ITIH5: variants seen among roughly 807,000 people sequenced by gnomAD.
ITIH5 encodes inter-alpha-trypsin inhibitor heavy chain 5.
ITIH5 carries 65 observed loss-of-function variants against 77.5 expected under a neutral mutation model. The ratio of observed to expected loss-of-function variants is 0.84; its 90% CI spans 0.69 to 1.03. ITIH5 has a LOEUF of 1.03. ITIH5 is among the 50% of genes least tolerant of loss of function. The probability of loss-of-function intolerance (pLI) is 0.00; values close to 1 mark genes in which losing one functional copy is unlikely to be tolerated. For synonymous variants in ITIH5, 525 were observed against 494.3 expected, an observed-to-expected ratio of 1.06 and a Z score of -0.82; for missense variants, 1,208 against 1,213.1, an observed-to-expected ratio of 1.00 and a Z score of 0.06.
chr10:7,615,926 T>G, intron 7 of ITIH5, 56 bp downstream of exon 7: 1 of 1,090,158 alleles, frequency 9.2e-7, no homozygotes, highest in Non-Finnish European at 1.4e-6. Flanking sequence ...GCAAAGCAAG[T>G]CATTGTCCCA....
At position 7,616,062 on chromosome 10, in the gene ITIH5, T is replaced by C. The variant is rs1309914617; in HGVS notation, c.859A>G (p.Lys287Glu). Reference sequence around the variant, plus strand: ...TTCTTGGGTAAAGGAGGAAGGTCTTTAGGAGCAAAGTAGTGCACAAAATAG... The same window carrying C: ...TTCTTGGGTAAAGGAGGAAGGTCTTCAGGAGCAAAGTAGTGCACAAAATAG... The part of the protein sequence containing the change: ...NGYFVHYFAP[K>E]DLPPLPKNVV... The change falls in exon 7 of 14, where the codon AAA becomes GAA. Residue 287 changes from lysine to glutamate, a missense_variant. Transcript: ENST00000397146. 5.0e-6 allele frequency: 8 copies of C among 1,612,990 alleles called. 1 individual carries two copies. Among genetic ancestry groups the C allele is most frequent in the Middle Eastern group, 3.3e-4 (2 of 6,082 alleles).
intron 10 of ITIH5, among the ~76,000 whole-genome samples, chr10:7,574,844 G>A (rs1385205097): frequency 6.8e-6 from 1 of 147,138 alleles, no homozygotes; most frequent in African/African-American, 2.5e-5. Flanking sequence ...GTAGTCAGTT[G>A]GTTATCTCCT....
intron 7 of ITIH5, among the ~76,000 whole-genome samples, chr10:7,587,554 G>A (rs771504290): frequency 2.0e-5 from 3 of 152,188 alleles, no homozygotes; most frequent in Non-Finnish European, 4.4e-5. Flanking sequence ...TCACTTACTC[G>A]CTCTCTGATA....
At chr10:7,605,652 G>A (rs1833109721) in intron 7 of ITIH5, among the ~76,000 whole-genome samples, 1 of 152,056 alleles carries the variant, frequency 6.6e-6, no homozygotes, top group Non-Finnish European at 1.5e-5. Flanking sequence ...CAAGAAGTGG[G>A]GGGCTGTGCT....
At chr10:7,585,401 A>C (rs1261135170) in intron 8 of ITIH5, among the ~76,000 whole-genome samples, 1 of 152,016 alleles carries the variant, frequency 6.6e-6, no homozygotes. Context: ...GAGAGCCCAC[A>C]TCCTCCCCAT....
intron 8 of ITIH5, among the ~76,000 whole-genome samples, chr10:7,580,705 C>A (rs1022204132): frequency 6.6e-6 from 1 of 152,136 alleles, no homozygotes; most frequent in African/African-American, 2.4e-5. Context: ...GGAGAAAGAG[C>A]CGCAGAGGGG....
At chr10:7,649,205 C>T (rs1194329530) in intron 2 of ITIH5, among the ~76,000 whole-genome samples, 1 of 146,960 alleles carries the variant, frequency 6.8e-6, no homozygotes, top group African/African-American at 2.6e-5. Flanking sequence ...TTTCATTCTC[C>T]TTCTTCTCCT....
intron 5 of ITIH5, among the ~76,000 whole-genome samples, chr10:7,625,634 G>A (rs11255252): frequency 0.14 from 20,756 of 151,738 alleles, 1,562 homozygotes; most frequent in East Asian, 0.24. Flanking sequence ...GCCTGGTGGC[G>A]TGAGCTTGTA....
At chr10:7,630,739 T>C (rs1222207069) in intron 5 of ITIH5, among the ~76,000 whole-genome samples, 1 of 152,202 alleles carries the variant, frequency 6.6e-6, no homozygotes, top group Non-Finnish European at 1.5e-5. Flanking sequence ...AATATATGAT[T>C]TGCAAATATT....
intron 3 of ITIH5, among the ~76,000 whole-genome samples, chr10:7,641,539 A>AAGGAAAGAAAGAAAG (rs1414589295): frequency 6.6e-6 from 1 of 151,340 alleles, no homozygotes; most frequent in African/African-American, 2.4e-5. Context: ...GAAGGGGAGG[A>AAGGAAAGAAAGAAAG]AGGAAAGAAA....
intron 12 of ITIH5, among the ~76,000 whole-genome samples, chr10:7,569,010 CTTTTTTTTTTTTTTTTT>C (rs5782983): frequency 1.4e-5 from 1 of 71,596 alleles, no homozygotes; most frequent in Non-Finnish European, 2.7e-5. Flanking sequence ...TTTTCTTTTT[CTTTTTTTTTTTTTTTTT>C]TTTTTTGAGA....
chr10:7,617,847 A>G (rs1247554426), intron 5 of ITIH5: 1 of 152,220 alleles, frequency 6.6e-6, no homozygotes, highest in Non-Finnish European at 1.5e-5. Flanking sequence ...AATGAAGATT[A>G]GAAGAGTCCC....
intron 2 of ITIH5, among the ~76,000 whole-genome samples, chr10:7,648,079 T>A (rs1474236216): frequency 1.4e-5 from 2 of 143,746 alleles, no homozygotes; most frequent in Non-Finnish European, 1.5e-5. Context: ...CTGTCTCTAC[T>A]AAAAAAAAAA....
chr10:7,647,568 C>A (rs1334096403), intron 2 of ITIH5, among the ~76,000 whole-genome samples: 1 of 136,474 alleles, frequency 7.3e-6, no homozygotes, highest in Non-Finnish European at 1.6e-5. Flanking sequence ...AATTTTTGTG[C>A]AGCAATAGAA....
At chr10:7,640,729 A>G (rs1383090128) in intron 4 of ITIH5, 25 bp downstream of exon 4, 1 of 1,515,106 alleles carries the variant, frequency 6.6e-7, no homozygotes, top group Non-Finnish European at 9.2e-7. Flanking sequence ...ATGGGTTTTT[A>G]ATTCCTTAAT....
intron 7 of ITIH5, among the ~76,000 whole-genome samples, chr10:7,605,640 C>T (rs930175767): frequency 1.3e-5 from 2 of 151,992 alleles, no homozygotes; most frequent in African/African-American, 4.8e-5. Context: ...GTGTCCCGAA[C>T]CCAAGAAGTG....
chr10:7,568,424 C>A (rs1040183621), intron 12 of ITIH5, among the ~76,000 whole-genome samples: 1 of 152,182 alleles, frequency 6.6e-6, no homozygotes, highest in African/African-American at 2.4e-5. Context: ...GGACATCTCG[C>A]TGAAGACAGA....
At position 7,562,694 on chromosome 10, in the gene ITIH5, C is replaced by A; in HGVS notation, c.*389G>T. ...GCAGAGTGCCTAAACTTGTCCATTT[C>A]CACCAAGAAAAAAAGTTTCATAGCA... On this transcript the variant is annotated 3_prime_UTR_variant, in exon 14 of 14. Coordinates refer to ENST00000397146, the MANE Select transcript of ITIH5 (RefSeq NM_030569.7). 3 of 213,008 alleles carry A rather than the reference C, an allele frequency of 1.4e-5. No individual in the cohort carries two copies. Among genetic ancestry groups the A allele is most frequent in the Non-Finnish European group, 2.9e-5 (3 of 104,600 alleles). 13.2% of individuals were successfully genotyped at this position (213,008 alleles called of 1,614,324 possible).
At chr10:7,610,055 TTTTTTTC>T (rs1833211360) in intron 7 of ITIH5, among the ~76,000 whole-genome samples, 4 of 139,616 alleles carry the variant, frequency 2.9e-5, no homozygotes, top group South Asian at 2.2e-4. Context: ...CTCCCTTTCT[TTTTTTTC>T]TTTTTTCTTT....
Sources: gnomAD v4.1 joint callset for allele counts (sites outside exome capture counted in the v4.1 genomes callset) on GRCh38, gnomAD v4.1.1 for gene constraint, MANE v1.5 for transcripts, NCBI Gene and HGNC (gene_info 2026-07-23, HGNC 2026-07-21) for gene names.